Variants in NTM observed in about 807,000 individuals in gnomAD.
The protein encoded by NTM is IgLON family member 2.
A neutral mutation model predicts 42.1 loss-of-function variants in NTM; 13 were observed. The ratio of observed to expected loss-of-function variants is 0.31; its 90% CI spans 0.20 to 0.49. The LOEUF (loss-of-function observed/expected upper bound fraction) is 0.49. Ranked by LOEUF, NTM falls within the 20% of genes least tolerant of loss-of-function variation. The probability of loss-of-function intolerance (pLI) is 0.99; values close to 1 mark genes in which losing one functional copy is unlikely to be tolerated. For synonymous variants in NTM, 187 were observed against 179.2 expected (o/e 1.04, Z -0.35); for missense variants, 373 against 452.8 (o/e 0.82, Z 1.60).
chr11:131,653,943 A>G (rs1048190292), intron 1 of NTM, among the ~76,000 whole-genome samples: 16 of 152,210 alleles, frequency 1.1e-4, no homozygotes, highest in African/African-American at 3.9e-4. Context: ...GTGTTTGCTC[A>G]ATATTTGTCG....
At chr11:132,244,160 C>T (rs984423462) in intron 4 of NTM, among the ~76,000 whole-genome samples, 5 of 152,168 alleles carry the variant, frequency 3.3e-5, no homozygotes, top group Non-Finnish European at 5.9e-5. Context: ...CTAAGGCAGC[C>T]GCTGATCAGT....
chr11:131,922,109 T>A lies in NTM; in HGVS notation c.167+10461T>A, dbSNP rs187802560. On this transcript the variant is annotated intron_variant, in intron 2 of 8. Coordinates refer to ENST00000683400, the MANE Select transcript of NTM (RefSeq NM_001352005.2). Reference sequence around the variant, plus strand: ...TGAAACTCGGCTGTTCCCTGGATTATTTCCACTCCTGGAGTCCTCAAAAGT... The same window carrying A: ...TGAAACTCGGCTGTTCCCTGGATTAATTCCACTCCTGGAGTCCTCAAAAGT... 1.3e-3 allele frequency: 203 copies of A among 152,770 alleles called. 2 individuals are homozygous for A. The highest frequency in any genetic ancestry group is 4.7e-3 in the African/African-American group (194 of 41,578). 9.5% of individuals were successfully genotyped at this position (152,770 alleles called of 1,614,324 possible). A position where few individuals can be genotyped will look rare whatever the true frequency, so the allele number is the denominator to read the frequency against.
At chr11:131,836,744 T>C (rs1320683966) in intron 1 of NTM, among the ~76,000 whole-genome samples, 2 of 152,228 alleles carry the variant, frequency 1.3e-5, no homozygotes, top group Non-Finnish European at 2.9e-5. Flanking sequence ...TATTAATTAC[T>C]GGTTTACTAA....
intron 7 of NTM, among the ~76,000 whole-genome samples, chr11:132,327,980 A>T (rs550171902): frequency 6.6e-6 from 1 of 152,110 alleles, no homozygotes; most frequent in South Asian, 2.1e-4. Flanking sequence ...GACAAGCTTG[A>T]ATTTTCAGGG....
intron 2 of NTM, among the ~76,000 whole-genome samples, chr11:131,994,315 A>G (rs1229298518): frequency 6.6e-6 from 1 of 152,196 alleles, no homozygotes; most frequent in Non-Finnish European, 1.5e-5. Flanking sequence ...GTTCTGAAAT[A>G]TGTAATTTCT....
At chr11:131,821,561 G>A (rs1312536769) in intron 1 of NTM, among the ~76,000 whole-genome samples, 10 of 152,188 alleles carry the variant, frequency 6.6e-5, no homozygotes, top group African/African-American at 2.4e-4. Context: ...CTTTAAAATG[G>A]GAATGATTGT....
intron 2 of NTM, among the ~76,000 whole-genome samples, chr11:132,080,985 A>G (rs2058965373): frequency 6.6e-6 from 1 of 152,210 alleles, no homozygotes; most frequent in African/African-American, 2.4e-5. Flanking sequence ...AGTTTTGAGG[A>G]CTACATAACA....
intron 7 of NTM, among the ~76,000 whole-genome samples, chr11:132,321,622 G>A (rs1453298623): frequency 6.6e-6 from 1 of 152,166 alleles, no homozygotes; most frequent in African/African-American, 2.4e-5. Flanking sequence ...TTATCCAGGA[G>A]AATTTCCCCA....
intron 2 of NTM, among the ~76,000 whole-genome samples, chr11:132,108,992 A>G (rs1424992978): frequency 2.0e-5 from 3 of 152,148 alleles, no homozygotes; most frequent in African/African-American, 7.2e-5. Flanking sequence ...GCTGAGAATG[A>G]TGGTTTCCAG....
intron 2 of NTM, among the ~76,000 whole-genome samples, chr11:132,079,228 C>A (rs1251886992): frequency 6.6e-6 from 1 of 152,120 alleles, no homozygotes; most frequent in Non-Finnish European, 1.5e-5. Context: ...ATGGAGGCCA[C>A]CTATATTTCC....
intron 1 of NTM, among the ~76,000 whole-genome samples, chr11:131,878,820 T>G (rs1438106540): frequency 1.3e-5 from 2 of 151,570 alleles, no homozygotes; most frequent in Non-Finnish European, 2.9e-5. Context: ...ATGAGTAATA[T>G]CTCTTTAACG....
At position 132,322,121 on chromosome 11, in the gene NTM, T is replaced by C. The variant is rs529415860; in HGVS notation, c.934+7418T>C. ...GAGACTAGGAAGAAACTGCATCAAC[T>C]AACGAGCAAAATAACCAGCTAACAT... On this transcript the variant is annotated intron_variant, in intron 7 of 8. Coordinates refer to ENST00000683400, the MANE Select transcript of NTM (RefSeq NM_001352005.2). Among the ~76,000 whole-genome samples, 326 of 151,516 alleles carry C rather than the reference T, an allele frequency of 2.2e-3. 5 individuals carry two copies. In the East Asian group the frequency reaches 0.033, roughly 15 times the overall value.
intron 2 of NTM, among the ~76,000 whole-genome samples, chr11:132,085,891 A>T (rs917264970): frequency 1.3e-5 from 2 of 152,202 alleles, no homozygotes; most frequent in African/African-American, 4.8e-5. Flanking sequence ...AGAGGGATTT[A>T]TCTGCCTCTA....
intron 2 of NTM, among the ~76,000 whole-genome samples, chr11:132,118,914 G>A (rs1305233137): frequency 6.6e-6 from 1 of 152,102 alleles, no homozygotes. Context: ...TTTTAAGGAT[G>A]ATGTCCTCAA....
chr11:131,928,176 G>A lies in NTM; in HGVS notation c.167+16528G>A, dbSNP rs185296784. 3.0e-3 allele frequency among the ~76,000 whole-genome samples: 456 copies of A among 151,932 alleles called. 4 individuals carry two copies. Among genetic ancestry groups the A allele is most frequent in the Non-Finnish European group, 1.5e-3 (99 of 67,978 alleles). Reference sequence around the variant, plus strand: ...GTAGAAGCACTTAATGAGAACCTATGCTTACATGATAAATGCTTTACAAGG... The same window carrying A: ...GTAGAAGCACTTAATGAGAACCTATACTTACATGATAAATGCTTTACAAGG... On this transcript the variant is annotated intron_variant, in intron 2 of 8. Transcript: ENST00000683400.
Position 132,307,752 on chromosome 11 carries a change from G to A in NTM, c.590G>A (p.Gly197Glu). The stretch of plus-strand genomic sequence containing the variant: ...CAGGGCATCACCAGGGAGCAGTCAG[G>A]GGACTACGAGTGCAGTGCCTCCAAT... The part of the protein sequence containing the change: ...EIQGITREQS[G>E]DYECSASNDV... The change falls in exon 5 of 9, where the codon GGG becomes GAG. Residue 197 changes from glycine to glutamate, a missense_variant. Gly to Glu is a moderately conservative substitution (Grantham distance 98). Transcript: ENST00000683400. 2 of 1,614,198 alleles carry A rather than the reference G, an allele frequency of 1.2e-6. No homozygotes were observed. The highest frequency in any genetic ancestry group is 1.7e-6 in the Non-Finnish European group (2 of 1,180,036).
intron 1 of NTM, among the ~76,000 whole-genome samples, chr11:131,704,936 A>G (rs76752517): frequency 6.6e-6 from 1 of 152,132 alleles, no homozygotes; most frequent in African/African-American, 2.4e-5. Flanking sequence ...GAATAAAGAG[A>G]AAAAAAGATT....
At chr11:131,984,265 A>T (rs550468130) in intron 2 of NTM, among the ~76,000 whole-genome samples, 69 of 152,346 alleles carry the variant, frequency 4.5e-4, no homozygotes, top group African/African-American at 1.6e-3. Flanking sequence ...CTGTTTATGG[A>T]TCACTGACGT....
At chr11:131,760,990 T>C (rs1368957265) in intron 1 of NTM, among the ~76,000 whole-genome samples, 1 of 152,060 alleles carries the variant, frequency 6.6e-6, no homozygotes, top group African/African-American at 2.4e-5. Flanking sequence ...CTGCTGTTGT[T>C]TTTGAGAAAA....
Sources: allele counts gnomAD v4.1 joint callset (sites outside exome capture counted in the v4.1 genomes callset), GRCh38; gene constraint gnomAD v4.1.1; transcripts MANE v1.5; gene names NCBI Gene and HGNC (gene_info 2026-07-23, HGNC 2026-07-21).